Variants in NKAIN2 observed in about 807,000 individuals in gnomAD.
The protein encoded by NKAIN2 is sodium/potassium transporting ATPase interacting 2.
In NKAIN2, 14 loss-of-function variants were observed where a neutral mutation model predicts 32.6. The observed-to-expected ratio is 0.43, with a 90% CI of 0.28 to 0.67. NKAIN2 has a LOEUF of 0.67. Among genes scored for constraint, NKAIN2 ranks in the 30% least tolerant of loss-of-function variants. The pLI is 0.17. For missense variants in NKAIN2, 198 were observed against 258.3 expected (o/e 0.77, Z 1.60); for synonymous variants, 80 against 87.2 (o/e 0.92, Z 0.46).
intron 3 of NKAIN2, among the ~76,000 whole-genome samples, chr6:124,387,431 C>A (rs1347130379): frequency 6.6e-6 from 1 of 151,978 alleles, no homozygotes; most frequent in Non-Finnish European, 1.5e-5. Flanking sequence ...ATAAACAAAG[C>A]ATCAGACTCA....
At chr6:124,123,310 A>AG (rs1283445808) in intron 1 of NKAIN2, among the ~76,000 whole-genome samples, 2 of 152,176 alleles carry the variant, frequency 1.3e-5, no homozygotes, top group African/African-American at 4.8e-5. Flanking sequence ...AGAGCATTGG[A>AG]GGGGAGAAGG....
In NKAIN2 at chr6:124,824,829, T is replaced by C. The variant is rs950506273; in HGVS notation, c.*1600T>C. On this transcript the variant is annotated 3_prime_UTR_variant, in exon 7 of 7. Transcript: ENST00000368417. The stretch of plus-strand genomic sequence containing the variant: ...CTTTAGACCTTAGCCCATTCGGATC[T>C]ACATACACCAGTTCCATTACTGTGT... The C allele has an allele frequency of 2.6e-5, 4 of 152,220 alleles. No individual in the cohort carries two copies. The highest frequency in any genetic ancestry group is 4.8e-5 in the African/African-American group (2 of 41,458). 9.4% of individuals were successfully genotyped at this position (152,220 alleles called of 1,614,324 possible).
At chr6:124,696,609 C>A (rs1036046991) in intron 4 of NKAIN2, among the ~76,000 whole-genome samples, 2 of 152,054 alleles carry the variant, frequency 1.3e-5, no homozygotes, top group African/African-American at 4.8e-5. Flanking sequence ...CACATAAATC[C>A]CTCATAACAG....
intron 1 of NKAIN2, among the ~76,000 whole-genome samples, chr6:124,168,178 C>A (rs755416789): frequency 2.6e-5 from 4 of 152,142 alleles, no homozygotes; most frequent in Non-Finnish European, 4.4e-5. Context: ...GTTCATATTA[C>A]ATCATTGTCA....
chr6:124,052,040 G>T (rs780736467), intron 1 of NKAIN2, among the ~76,000 whole-genome samples: 1 of 151,894 alleles, frequency 6.6e-6, no homozygotes, highest in East Asian at 1.9e-4. Flanking sequence ...TCTCTATAGG[G>T]TTTATTGAAA....
At chr6:124,532,578 C>T (rs1432941594) in intron 3 of NKAIN2, among the ~76,000 whole-genome samples, 1 of 152,180 alleles carries the variant, frequency 6.6e-6, no homozygotes, top group Non-Finnish European at 1.5e-5. Flanking sequence ...GGGATTGTCA[C>T]AGGAGCAAGC....
intron 1 of NKAIN2, among the ~76,000 whole-genome samples, chr6:123,865,019 T>C (rs1582675138): frequency 6.6e-6 from 1 of 152,146 alleles, no homozygotes; most frequent in East Asian, 1.9e-4. Context: ...CTAATCCTTC[T>C]AATTAAGTTA....
chr6:124,666,400 T>G (rs1208040449), intron 4 of NKAIN2, among the ~76,000 whole-genome samples: 1 of 152,132 alleles, frequency 6.6e-6, no homozygotes, highest in Non-Finnish European at 1.5e-5. Flanking sequence ...CAGACTAATT[T>G]CAGAACCTTG....
chr6:124,192,084 T>C (rs968300843), intron 1 of NKAIN2, among the ~76,000 whole-genome samples: 2 of 152,222 alleles, frequency 1.3e-5, no homozygotes, highest in Middle Eastern at 3.4e-3. Context: ...GGTTTTCCTG[T>C]TTTCTATTTC....
intron 3 of NKAIN2, among the ~76,000 whole-genome samples, chr6:124,557,445 G>A (rs1278746469): frequency 1.3e-5 from 2 of 152,078 alleles, no homozygotes; most frequent in Non-Finnish European, 2.9e-5. Flanking sequence ...AATTGTGTTT[G>A]TGGAAAATGC....
chr6:124,120,821 T>C (rs1785842473), intron 1 of NKAIN2, among the ~76,000 whole-genome samples: 4 of 152,134 alleles, frequency 2.6e-5, no homozygotes, highest in African/African-American at 4.8e-5. Flanking sequence ...CTGGAACATA[T>C]GGCTGGCTAA....
intron 4 of NKAIN2, among the ~76,000 whole-genome samples, chr6:124,694,666 A>G (rs889022125): frequency 1.3e-5 from 2 of 152,176 alleles, no homozygotes; most frequent in Middle Eastern, 3.2e-3. Flanking sequence ...AATTACAGTA[A>G]ATCTCCAGAG....
intron 3 of NKAIN2, among the ~76,000 whole-genome samples, chr6:124,431,843 GTAAA>G (rs1775229545): frequency 1.3e-5 from 2 of 151,966 alleles, no homozygotes; most frequent in Non-Finnish European, 2.9e-5. Flanking sequence ...AAATCCTTAT[GTAAA>G]GAGATATTTC....
chr6:124,132,967 A>G (rs1243899060), intron 1 of NKAIN2, among the ~76,000 whole-genome samples: 2 of 152,212 alleles, frequency 1.3e-5, no homozygotes, highest in African/African-American at 4.8e-5. Flanking sequence ...AGTGGGCCTC[A>G]AGTTCCATGT....
intron 1 of NKAIN2, among the ~76,000 whole-genome samples, chr6:124,153,287 TA>T (rs968789505): frequency 3.0e-4 from 45 of 151,870 alleles, no homozygotes; most frequent in African/African-American, 1.0e-3. Flanking sequence ...ATATATCAAT[TA>T]AAAAATATAA....
At chr6:124,766,683 G>A (rs1313405285) in intron 4 of NKAIN2, among the ~76,000 whole-genome samples, 1 of 152,090 alleles carries the variant, frequency 6.6e-6, no homozygotes, top group East Asian at 1.9e-4. Context: ...TTTCTGGCAC[G>A]ATAGAATATT....
At chr6:124,052,771 A>G (rs2114837524) in intron 1 of NKAIN2, among the ~76,000 whole-genome samples, 1 of 152,216 alleles carries the variant, frequency 6.6e-6, no homozygotes. Context: ...TTCAGTTAGC[A>G]TCTGGATGAA....
At chr6:124,645,856 A>G (rs1301834615) in intron 3 of NKAIN2, among the ~76,000 whole-genome samples, 1 of 152,160 alleles carries the variant, frequency 6.6e-6, no homozygotes, top group Non-Finnish European at 1.5e-5. Flanking sequence ...CCTTCACTTC[A>G]TTCACTGGCT....
chr6:124,460,903 TC>T (rs1164913764), intron 3 of NKAIN2, among the ~76,000 whole-genome samples: 1 of 151,674 alleles, frequency 6.6e-6, no homozygotes, highest in Non-Finnish European at 1.5e-5. Flanking sequence ...CACACTTATT[TC>T]CCCCCCTTTT....
Sources: gnomAD v4.1 joint callset for allele counts (sites outside exome capture counted in the v4.1 genomes callset) on GRCh38, gnomAD v4.1.1 for gene constraint, MANE v1.5 for transcripts, NCBI Gene and HGNC (gene_info 2026-07-23, HGNC 2026-07-21) for gene names.